ASB3: variants seen among roughly 807,000 people sequenced by gnomAD.
ASB3 encodes ankyrin repeat and SOCS box protein 3.
In ASB3, 41 loss-of-function variants were observed where a neutral mutation model predicts 54.5. The observed-to-expected ratio is 0.75, with a 90% CI of 0.59 to 0.98. ASB3 has a LOEUF of 0.98. Ranked by LOEUF, ASB3 falls within the 50% of genes least tolerant of loss-of-function variation. The pLI, the probability that ASB3 is intolerant of heterozygous loss-of-function variation, is 0.00. For synonymous variants in ASB3, 266 were observed against 221.2 expected (o/e 1.20, Z -1.80); for missense variants, 733 against 620.0 (o/e 1.18, Z -1.94).
chr2:53,767,764 C>A (rs2104112185), intron 1 of ASB3: 4 of 1,202,552 alleles, frequency 3.3e-6, no homozygotes, highest in Middle Eastern at 2.6e-4. Flanking sequence ...GCGCTTTGCG[C>A]CCCAAGTGGC....
At chr2:53,757,680 T>C (rs753527892) in intron 2 of ASB3, among the ~76,000 whole-genome samples, 2 of 152,210 alleles carry the variant, frequency 1.3e-5, no homozygotes, top group South Asian at 2.1e-4. Context: ...CTTAGGTACC[T>C]AGGCTATGAA....
At chr2:53,711,409 T>C (rs1670088588) in intron 7 of ASB3, among the ~76,000 whole-genome samples, 1 of 152,182 alleles carries the variant, frequency 6.6e-6, no homozygotes, top group Non-Finnish European at 1.5e-5. Context: ...GGTCAATTAA[T>C]GTTACTGACT....
chr2:53,685,177 C>G (rs1434284362), intron 9 of ASB3, among the ~76,000 whole-genome samples: 1 of 152,118 alleles, frequency 6.6e-6, no homozygotes, highest in African/African-American at 2.4e-5. Flanking sequence ...TATTCAAACA[C>G]ATTTTATTTA....
chr2:53,703,821 G>C (rs946282390), intron 7 of ASB3, among the ~76,000 whole-genome samples: 5 of 152,100 alleles, frequency 3.3e-5, no homozygotes, highest in Non-Finnish European at 5.9e-5. Context: ...CCTGAAGTCG[G>C]ATAGGTGTTA....
At chr2:53,703,465 G>A (rs975083997) in intron 7 of ASB3, among the ~76,000 whole-genome samples, 2 of 152,162 alleles carry the variant, frequency 1.3e-5, no homozygotes, top group Non-Finnish European at 2.9e-5. Context: ...TAATAAGGAA[G>A]AGAAAACTTA....
chr2:53,741,740 C>T (rs898506193), intron 3 of ASB3, among the ~76,000 whole-genome samples: 1 of 152,104 alleles, frequency 6.6e-6, no homozygotes, highest in South Asian at 2.1e-4. Context: ...AATATTGTAG[C>T]ACAATATAGG....
chr2:53,758,660 G>T (rs1002771718), intron 2 of ASB3, among the ~76,000 whole-genome samples: 1 of 152,208 alleles, frequency 6.6e-6, no homozygotes, highest in Non-Finnish European at 1.5e-5. Context: ...AGGGGTGCAG[G>T]ACTGCTACAT....
intron 3 of ASB3, among the ~76,000 whole-genome samples, chr2:53,747,898 T>C (rs147235797): frequency 7.2e-5 from 11 of 152,346 alleles, no homozygotes; most frequent in African/African-American, 2.6e-4. Flanking sequence ...CTGGGGGATA[T>C]AGCACATAGT....
intron 7 of ASB3, among the ~76,000 whole-genome samples, chr2:53,703,559 A>G (rs1000408185): frequency 6.6e-6 from 1 of 152,226 alleles, no homozygotes; most frequent in African/African-American, 2.4e-5. Context: ...TGATTGCACT[A>G]CTGCACTCCA....
chr2:53,730,792 T>C (rs1487795773), intron 3 of ASB3, among the ~76,000 whole-genome samples: 1 of 152,184 alleles, frequency 6.6e-6, no homozygotes, highest in East Asian at 1.9e-4. Context: ...GAAAAAAGAT[T>C]TGAAGAATAA....
intron 5 of ASB3, among the ~76,000 whole-genome samples, chr2:53,723,585 C>T (rs530329828): frequency 4.3e-4 from 66 of 152,204 alleles, no homozygotes; most frequent in Admixed American, 3.6e-3. Flanking sequence ...AAAAAAATTT[C>T]TTAAATTCAT....
intron 1 of ASB3, among the ~76,000 whole-genome samples, chr2:53,785,703 AGCG>A (rs1365596474): frequency 6.6e-6 from 1 of 152,182 alleles, no homozygotes; most frequent in Admixed American, 6.5e-5. Context: ...ATTAGGGTGT[AGCG>A]GCGCGCGCCT....
At chr2:53,722,778 A>G (rs1295805420) in intron 5 of ASB3, among the ~76,000 whole-genome samples, 1 of 152,206 alleles carries the variant, frequency 6.6e-6, no homozygotes, top group Admixed American at 6.5e-5. Flanking sequence ...GAGAAATGGA[A>G]GAAGACAAGG....
intron 9 of ASB3, among the ~76,000 whole-genome samples, chr2:53,678,342 T>C (rs1284641227): frequency 1.3e-5 from 2 of 152,154 alleles, no homozygotes; most frequent in East Asian, 3.8e-4. Context: ...ACCCAGGTGG[T>C]CATCATTTTT....
intron 9 of ASB3, among the ~76,000 whole-genome samples, chr2:53,672,253 G>A (rs1015550862): frequency 2.0e-5 from 3 of 152,188 alleles, no homozygotes; most frequent in Non-Finnish European, 4.4e-5. Flanking sequence ...ATGAGTCATA[G>A]ATTCCCTATT....
chr2:53,697,913 A>T (rs1440058882), intron 8 of ASB3, among the ~76,000 whole-genome samples: 1 of 152,172 alleles, frequency 6.6e-6, no homozygotes. Flanking sequence ...AGCTCTCCCA[A>T]GATGGCACTT....
In ASB3 at chr2:53,700,192, C is replaced by G. The variant is rs935859098; in HGVS notation, c.1238+79G>C. 12 of 1,534,732 alleles carry G rather than the reference C, an allele frequency of 7.8e-6. No individual in the cohort carries two copies. The East Asian group carries it at 2.3e-4, about 29-fold the overall frequency. ...AAACACAGATACCCTTCTCCAAACA[C>G]TGGGATCTCAACTGAAGGAAATTAA... On this transcript the variant is annotated intron_variant, in intron 8 of 9. Coordinates refer to ENST00000263634, the MANE Select transcript of ASB3 (RefSeq NM_016115.5).
In ASB3 at chr2:53,714,486, T is replaced by C. The variant is rs1391031957; in HGVS notation, c.878A>G (p.Glu293Gly). 2.5e-6 allele frequency: 4 copies of C among 1,614,110 alleles called. No homozygotes were observed. Residue 293 changes from glutamate to glycine, a missense_variant, in exon 7 of 10, where the codon GAA becomes GGA. Transcript: ENST00000263634. ...CCGGAGTAATATTTCTAGGCAATCT[T>C]CATGTCCCCCAAACACTGCTGAGTA... is the stretch of plus-strand genomic sequence containing the variant. ...PVYSAVFGGH[E>G]DCLEILLRNG...
At chr2:53,698,266 G>A (rs1249452211) in intron 8 of ASB3, among the ~76,000 whole-genome samples, 1 of 152,168 alleles carries the variant, frequency 6.6e-6, no homozygotes, top group African/African-American at 2.4e-5. Flanking sequence ...CAGCCTCAAA[G>A]ATCTCTGGAA....
Sources: allele counts gnomAD v4.1 joint callset (sites outside exome capture counted in the v4.1 genomes callset), GRCh38; gene constraint gnomAD v4.1.1; transcripts MANE v1.5; gene names NCBI Gene and HGNC (gene_info 2026-07-23, HGNC 2026-07-21).